RWDD2B: variants seen among roughly 807,000 people sequenced by gnomAD.
RWDD2B encodes the protein RWD domain-containing protein 2B.
In RWDD2B, 36 loss-of-function variants were observed where a neutral mutation model predicts 33.6. The observed-to-expected ratio is 1.07, with a 90% CI of 0.82 to 1.42. The LOEUF (loss-of-function observed/expected upper bound fraction) is 1.42. Ranked by LOEUF, RWDD2B falls within the 40% of genes most tolerant of loss-of-function variation. The probability of loss-of-function intolerance (pLI) is 0.00; values close to 1 mark genes in which losing one functional copy is unlikely to be tolerated. For missense variants in RWDD2B, 364 were observed against 377.5 expected, an observed-to-expected ratio of 0.96 and a Z score of 0.30; for synonymous variants, 126 against 133.1, an observed-to-expected ratio of 0.95 and a Z score of 0.37.
Position 29,006,183 on chromosome 21 carries a change from T to C in RWDD2B, c.*234A>G, listed in dbSNP as rs1216016687. ...TAATTTCTTTTTCAAAATGGGCAGC[T>C]GATATGTGAAGAAATATCTAACAAC... On this transcript the variant is annotated 3_prime_UTR_variant, in exon 5 of 5. Transcript: ENST00000493196. 3 of 374,084 alleles carry C rather than the reference T, an allele frequency of 8.0e-6. No homozygotes were observed. The highest frequency in any genetic ancestry group is 1.4e-5 in the Non-Finnish European group (3 of 209,198). The allele number at this position is 374,084 out of a possible 1,614,324, so 23.2% of individuals were successfully genotyped here.
chr21:29,017,337 G>A (rs1414799173), intron 1 of RWDD2B, among the ~76,000 whole-genome samples: 3 of 151,840 alleles, frequency 2.0e-5, no homozygotes, highest in South Asian at 2.1e-4. Flanking sequence ...GCCCAGGTGC[G>A]GTGGTGGCTC....
chr21:29,017,053 AGTAGAGACGGGGTT>A (rs1351532964), intron 1 of RWDD2B, among the ~76,000 whole-genome samples: 1 of 151,520 alleles, frequency 6.6e-6, no homozygotes, highest in African/African-American at 2.4e-5. Flanking sequence ...TGGGTTTTTT[AGTAGAGACGGGGTT>A]TCACCACGTT....
At chr21:29,008,659 C>T in intron 1 of RWDD2B, 38 bp from the exon 2 acceptor site, 2 of 1,390,172 alleles carry the variant, frequency 1.4e-6, no homozygotes, top group South Asian at 2.4e-5. Context: ...TTTACATATG[C>T]AATCTTGGAA....
chr21:29,019,343 C>G lies in RWDD2B; in HGVS notation c.-66G>C. On this transcript the variant is annotated 5_prime_UTR_variant, in exon 1 of 5. Coordinates refer to ENST00000493196, the MANE Select transcript of RWDD2B (RefSeq NM_016940.3). ...ACTTACAAACCGCCTCAGCTGGCGA[C>G]CTACCGGAAAAAAAAAAAAAAAGCA... 8.5e-7 allele frequency: 1 copy of G among 1,172,656 alleles called. No individual in the cohort carries two copies. The highest frequency in any genetic ancestry group is 2.7e-5 in the Admixed American group (1 of 36,634). 72.6% of individuals were successfully genotyped at this position (1,172,656 alleles called of 1,614,324 possible).
chr21:29,014,548 G>A (rs993383432), intron 1 of RWDD2B, among the ~76,000 whole-genome samples: 5 of 152,164 alleles, frequency 3.3e-5, no homozygotes, highest in African/African-American at 4.8e-5. Context: ...ATGGCCTGGC[G>A]CAGTGGCTCA....
chr21:29,011,703 C>T (rs2084861822), intron 1 of RWDD2B, among the ~76,000 whole-genome samples: 2 of 138,530 alleles, frequency 1.4e-5, no homozygotes, highest in African/African-American at 5.3e-5. Flanking sequence ...TCTGCCCGGC[C>T]GCCCCTACTG....
chr21:29,018,400 G>A (rs545698555), intron 1 of RWDD2B, among the ~76,000 whole-genome samples: 94 of 152,322 alleles, frequency 6.2e-4, no homozygotes, highest in African/African-American at 2.2e-3. Flanking sequence ...TGAAGTCTAC[G>A]AGAGACTCAG....
rs1601019775 is a variant in RWDD2B, at chr21:29,008,769, G to T, written c.68-148C>A. The T allele has an allele frequency of 4.3e-5, 27 of 627,700 alleles. No individual in the cohort carries two copies. In the East Asian group the frequency reaches 7.1e-4, roughly 17 times the overall value. 38.9% of individuals were successfully genotyped at this position (627,700 alleles called of 1,614,324 possible). On this transcript the variant is annotated intron_variant, in intron 1 of 4. Transcript: ENST00000493196. ...CTCTTTCCCTATTACTCTACTTTCA[G>T]ATATAATATGCTAAGTCCTATGCTA...
At chr21:29,011,197 A>G (rs562696390) in intron 1 of RWDD2B, among the ~76,000 whole-genome samples, 125 of 145,232 alleles carry the variant, frequency 8.6e-4, no homozygotes, top group African/African-American at 3.2e-3. Flanking sequence ...GTCTCTGCCC[A>G]GCCGCCCTGC....
At chr21:29,011,970 G>A (rs1164333469) in intron 1 of RWDD2B, among the ~76,000 whole-genome samples, 3 of 124,810 alleles carry the variant, frequency 2.4e-5, no homozygotes. Context: ...CCGGCCAGCC[G>A]CGCCGTCCGG....
At chr21:29,013,883 C>T (rs1470281584) in intron 1 of RWDD2B, among the ~76,000 whole-genome samples, 1 of 151,988 alleles carries the variant, frequency 6.6e-6, no homozygotes, top group Non-Finnish European at 1.5e-5. Context: ...TCTTTATCTT[C>T]TCTATTGTCT....
intron 1 of RWDD2B, among the ~76,000 whole-genome samples, chr21:29,018,837 A>T (rs1024354262): frequency 1.3e-4 from 20 of 152,280 alleles, no homozygotes; most frequent in African/African-American, 3.6e-4. Context: ...TTATTTTTTT[A>T]AAAAATAAAA....
intron 1 of RWDD2B, among the ~76,000 whole-genome samples, chr21:29,017,587 G>C (rs1460847811): frequency 6.6e-6 from 1 of 152,008 alleles, no homozygotes; most frequent in Non-Finnish European, 1.5e-5. Context: ...ACTCCAGCCA[G>C]AGCAACAGAG....
intron 1 of RWDD2B, among the ~76,000 whole-genome samples, chr21:29,011,554 C>G (rs1039862233): frequency 6.7e-6 from 1 of 150,336 alleles, no homozygotes; most frequent in African/African-American, 2.5e-5. Context: ...GGTCAGCCCC[C>G]CGCCCGGCCA....
chr21:29,014,607 G>A (rs756630926), intron 1 of RWDD2B, among the ~76,000 whole-genome samples: 2 of 152,130 alleles, frequency 1.3e-5, no homozygotes, highest in African/African-American at 4.8e-5. Context: ...AGATCATGAG[G>A]TCAGGAGATC....
At chr21:29,011,966 A>G (rs1247180532) in intron 1 of RWDD2B, among the ~76,000 whole-genome samples, 1 of 119,886 alleles carries the variant, frequency 8.3e-6, no homozygotes, top group Admixed American at 8.2e-5. Flanking sequence ...CGACCCGGCC[A>G]GCCGCGCCGT....
intron 1 of RWDD2B, among the ~76,000 whole-genome samples, chr21:29,010,315 A>C (rs1269266392): frequency 6.6e-6 from 1 of 151,828 alleles, no homozygotes; most frequent in Non-Finnish European, 1.5e-5. Flanking sequence ...CTTAATACAT[A>C]GTTCCTTTTG....
At chr21:29,010,949 C>T (rs1242587484) in intron 1 of RWDD2B, among the ~76,000 whole-genome samples, 19 of 152,196 alleles carry the variant, frequency 1.2e-4, no homozygotes, top group East Asian at 1.2e-3. Context: ...GGATTGCAGA[C>T]GGAGTCTGGT....
intron 1 of RWDD2B, among the ~76,000 whole-genome samples, chr21:29,013,789 G>C (rs1011150267): frequency 2.0e-5 from 3 of 151,282 alleles, no homozygotes; most frequent in African/African-American, 7.3e-5. Context: ...TAGCTTTAAT[G>C]AGGTATAATT....
Sources: gnomAD v4.1 joint callset for allele counts (sites outside exome capture counted in the v4.1 genomes callset) on GRCh38, gnomAD v4.1.1 for gene constraint, MANE v1.5 for transcripts, NCBI Gene and HGNC (gene_info 2026-07-23, HGNC 2026-07-21) for gene names.